The following PCDHA12 variants were observed in gnomAD, a reference collection of about 807,000 sequenced individuals.
PCDHA12 encodes the protein protocadherin alpha 12.
PCDHA12 carries 44 observed loss-of-function variants against 60.0 expected under a neutral mutation model. That is an observed-to-expected ratio of 0.73 (90% CI 0.58 to 0.94). PCDHA12 has a LOEUF of 0.94. Ranked by LOEUF, PCDHA12 falls within the 40% of genes least tolerant of loss-of-function variation. The pLI is 0.00. For missense variants in PCDHA12, 1,276 were observed against 1,239.7 expected (o/e 1.03, Z -0.44); for synonymous variants, 569 against 553.0 (o/e 1.03, Z -0.40).
At chr5:140,966,695 C>CGGGCGTG in intron 1 of PCDHA12, 1 of 1,358,486 alleles carries the variant, frequency 7.4e-7, no homozygotes, top group Non-Finnish European at 9.5e-7. Flanking sequence ...AGGCGGGGCC[C>CGGGCGTG]GGGCGTGGGG....
chr5:140,927,516 C>G (rs782661477), intron 1 of PCDHA12: 22 of 1,614,066 alleles, frequency 1.4e-5, no homozygotes, highest in Non-Finnish European at 1.8e-5. Flanking sequence ...CTCGGGACGG[C>G]GGGCTACCTG....
At chr5:140,927,556 A>G (rs1428283255) in intron 1 of PCDHA12, 15 of 1,614,022 alleles carry the variant, frequency 9.3e-6, no homozygotes, top group African/African-American at 1.3e-5. Flanking sequence ...AGTCACCATC[A>G]TTGTGGTGGA....
intron 1 of PCDHA12, among the ~76,000 whole-genome samples, chr5:140,919,139 C>T (rs1294020429): frequency 6.6e-6 from 1 of 152,120 alleles, no homozygotes; most frequent in Non-Finnish European, 1.5e-5. Context: ...TTTTGGGGCT[C>T]TATTATTAGA....
intron 1 of PCDHA12, among the ~76,000 whole-genome samples, chr5:140,891,408 C>G (rs1341322877): frequency 2.0e-5 from 3 of 147,046 alleles, no homozygotes; most frequent in Admixed American, 6.8e-5. Flanking sequence ...TCGCCACCCC[C>G]CACTCTTGCC....
intron 1 of PCDHA12, among the ~76,000 whole-genome samples, chr5:140,912,549 A>G (rs2075971399): frequency 6.6e-6 from 1 of 152,152 alleles, no homozygotes; most frequent in East Asian, 1.9e-4. Context: ...TTGTCAGCAA[A>G]CAGCAACAGT....
At chr5:140,958,133 G>T (rs1472500802) in intron 1 of PCDHA12, among the ~76,000 whole-genome samples, 2 of 152,046 alleles carry the variant, frequency 1.3e-5, no homozygotes, top group East Asian at 3.8e-4. Flanking sequence ...ATGTATCAGT[G>T]TGTATATTTA....
chr5:140,881,443 G>T (rs1554172114), intron 1 of PCDHA12: 1 of 818,602 alleles, frequency 1.2e-6, no homozygotes, highest in Non-Finnish European at 1.5e-6. Flanking sequence ...TATAAAAACA[G>T]AATCCAAAAC....
chr5:140,886,097 A>C (rs1341108712), intron 1 of PCDHA12, among the ~76,000 whole-genome samples: 1 of 152,214 alleles, frequency 6.6e-6, no homozygotes, highest in Admixed American at 6.5e-5. Context: ...ATTGACATTG[A>C]TACAGTAAAG....
chr5:140,886,558 T>G (rs535461538), intron 1 of PCDHA12, among the ~76,000 whole-genome samples: 1 of 152,202 alleles, frequency 6.6e-6, no homozygotes, highest in South Asian at 2.1e-4. Flanking sequence ...CTGGGCACGG[T>G]GGCTCACGCC....
At chr5:140,915,840 G>C (rs1554197129) in intron 1 of PCDHA12, among the ~76,000 whole-genome samples, 1 of 152,142 alleles carries the variant, frequency 6.6e-6, no homozygotes, top group African/African-American at 2.4e-5. Context: ...AGATCAGCAG[G>C]GGGTGACACC....
chr5:140,945,516 A>C (rs1192013721), intron 1 of PCDHA12, among the ~76,000 whole-genome samples: 2 of 152,154 alleles, frequency 1.3e-5, no homozygotes, highest in Non-Finnish European at 2.9e-5. Flanking sequence ...AAAGTAAATA[A>C]ATAAATAAAA....
intron 3 of PCDHA12, among the ~76,000 whole-genome samples, chr5:141,009,322 G>C (rs2098405890): frequency 6.6e-6 from 1 of 152,206 alleles, no homozygotes. Flanking sequence ...AGCCTGGCAT[G>C]GGAGCTTGTG....
Position 140,946,611 on chromosome 5 carries a change from AAT to A in PCDHA12, c.2368-32318_2368-32317del, listed in dbSNP as rs1554217734. On this transcript the variant is annotated intron_variant, in intron 1 of 3. Coordinates refer to ENST00000398631, the MANE Select transcript of PCDHA12 (RefSeq NM_018903.4). ...GGATGAATAGATAAAGAAAATGTGA[AAT>A]ATATATATATATATATATACAATGG... is the stretch of plus-strand genomic sequence containing the variant. 5.8e-3 allele frequency among the ~76,000 whole-genome samples: 503 copies of A among 86,618 alleles called. 18 individuals are homozygous for A. The highest frequency in any genetic ancestry group is 0.022 in the Middle Eastern group (4 of 186). The allele number at this position is 86,618 out of a possible 152,430, so 56.8% of individuals were successfully genotyped here. A position where few individuals can be genotyped will look rare whatever the true frequency, so the allele number is the denominator to read the frequency against.
At chr5:141,000,415 A>T (rs1462372394) in intron 3 of PCDHA12, among the ~76,000 whole-genome samples, 8 of 87,370 alleles carry the variant, frequency 9.2e-5, no homozygotes, top group African/African-American at 2.5e-4. Flanking sequence ...ATATATATAT[A>T]TATATATTTT....
intron 1 of PCDHA12, among the ~76,000 whole-genome samples, chr5:140,974,516 T>G (rs533322332): frequency 2.0e-5 from 3 of 152,328 alleles, no homozygotes; most frequent in African/African-American, 7.2e-5. Context: ...TTTTATTTTA[T>G]TTTAGTTTTT....
rs138893413 is a variant in PCDHA12, at chr5:140,976,899, T to C, written c.2368-2050T>C. Among the ~76,000 whole-genome samples, 191 of 152,340 alleles carry C rather than the reference T, an allele frequency of 1.3e-3. 1 individual carries two copies. The highest frequency in any genetic ancestry group is 4.3e-3 in the African/African-American group (179 of 41,576). ...AAGAATTAGGATACATGCAACAGTA[T>C]GTAATAAAGTGCAAAATCTAGTACT... On this transcript the variant is annotated intron_variant, in intron 1 of 3. Transcript: ENST00000398631.
At chr5:140,964,629 T>C (rs1315614801) in intron 1 of PCDHA12, among the ~76,000 whole-genome samples, 1 of 152,028 alleles carries the variant, frequency 6.6e-6, no homozygotes, top group Non-Finnish European at 1.5e-5. Context: ...TTATAAGCCA[T>C]TTATTTTCAG....
intron 1 of PCDHA12, chr5:140,927,256 CCT>C (rs2084020732): frequency 1.2e-6 from 2 of 1,614,144 alleles, no homozygotes; most frequent in Non-Finnish European, 1.7e-6. Flanking sequence ...TGACAACTCA[CCT>C]CTCTTTCCTG....
chr5:140,909,945 A>C (rs540241627), intron 1 of PCDHA12, among the ~76,000 whole-genome samples: 3 of 152,316 alleles, frequency 2.0e-5, no homozygotes, highest in Non-Finnish European at 4.4e-5. Context: ...ACTCTGGTAA[A>C]AAGCCGTAGG....
Sources: gnomAD v4.1 joint callset for allele counts (sites outside exome capture counted in the v4.1 genomes callset) on GRCh38, gnomAD v4.1.1 for gene constraint, MANE v1.5 for transcripts, NCBI Gene and HGNC (gene_info 2026-07-23, HGNC 2026-07-21) for gene names.